Variants in CEP112 observed in about 807,000 individuals in gnomAD.
CEP112 encodes the protein centrosomal protein of 112 kDa.
CEP112 carries 127 observed loss-of-function variants against 153.0 expected under a neutral mutation model. That is an observed-to-expected ratio of 0.83 (90% CI 0.72 to 0.96). The LOEUF is 0.96. Among genes scored for constraint, CEP112 ranks in the 40% least tolerant of loss-of-function variants. The pLI is 0.00. For missense variants in CEP112, 1,089 were observed against 1,101.2 expected (o/e 0.99, Z 0.16); for synonymous variants, 358 against 374.4 (o/e 0.96, Z 0.51).
intron 8 of CEP112, among the ~76,000 whole-genome samples, chr17:66,085,663 A>G (rs2067893959): frequency 6.6e-6 from 1 of 152,194 alleles, no homozygotes; most frequent in Non-Finnish European, 1.5e-5. Flanking sequence ...AAAAATCATC[A>G]GAATATATAT....
chr17:65,929,736 T>A (rs2144227843), intron 18 of CEP112, among the ~76,000 whole-genome samples: 1 of 152,302 alleles, frequency 6.6e-6, no homozygotes, highest in African/African-American at 2.4e-5. Flanking sequence ...ATACAGGGAA[T>A]CAATAAATAC....
chr17:66,000,355 A>T (rs3208994), intron 17 of CEP112, among the ~76,000 whole-genome samples: 2 of 118,914 alleles, frequency 1.7e-5, no homozygotes, highest in Non-Finnish European at 3.7e-5. Context: ...TTTTTTTTTT[A>T]AACTGTTAAG....
At position 65,635,951 on chromosome 17, in the gene CEP112, C is replaced by A; in HGVS notation, c.*20G>T. Reference sequence around the variant, plus strand: ...CACAGCACAGCCTGGAAATTGCATCCGTTGCATTCTCTCGTGCAGTTACCT... The same window carrying A: ...CACAGCACAGCCTGGAAATTGCATCAGTTGCATTCTCTCGTGCAGTTACCT... On this transcript the variant is annotated 3_prime_UTR_variant, in exon 27 of 27. Transcript: ENST00000535342. 1 of 1,598,896 alleles carries A rather than the reference C, an allele frequency of 6.3e-7. No homozygotes were observed. The highest frequency in any genetic ancestry group is 8.5e-7 in the Non-Finnish European group (1 of 1,171,080).
intron 14 of CEP112, 60 bp from the exon 15 acceptor site, chr17:66,028,465 T>G: frequency 1.1e-6 from 1 of 947,508 alleles, no homozygotes; most frequent in Non-Finnish European, 1.5e-6. Flanking sequence ...ATATTATACT[T>G]TCTGATTGAA....
intron 12 of CEP112, 53 bp downstream of exon 12, chr17:66,053,683 T>A (rs1473033827): frequency 6.4e-7 from 1 of 1,561,018 alleles, no homozygotes; most frequent in African/African-American, 1.4e-5. Flanking sequence ...CATGAGGACA[T>A]GGAAATTGAG....
At position 66,039,741 on chromosome 17, in the gene CEP112, T is replaced by A. The variant is rs190975366; in HGVS notation, c.1219-9718A>T. Among the ~76,000 whole-genome samples, 131 of 152,260 alleles carry A rather than the reference T, an allele frequency of 8.6e-4. 3 individuals carry two copies. The South Asian group carries it at 8.7e-3, about 10-fold the overall frequency. On this transcript the variant is annotated intron_variant, in intron 12 of 26. Transcript: ENST00000535342. Reference sequence around the variant, plus strand: ...GCCAGCCTCCCTAAAGCCTTATTAGTTACCCTCCACCCAAAGGTAACCACT... The same window carrying A: ...GCCAGCCTCCCTAAAGCCTTATTAGATACCCTCCACCCAAAGGTAACCACT...
intron 24 of CEP112, among the ~76,000 whole-genome samples, chr17:65,678,781 T>C (rs1372457485): frequency 6.6e-6 from 1 of 152,168 alleles, no homozygotes; most frequent in Non-Finnish European, 1.5e-5. Flanking sequence ...GTGGATTTGA[T>C]ATGTCAGCAA....
At chr17:65,826,641 G>A in intron 21 of CEP112, 1 of 888,176 alleles carries the variant, frequency 1.1e-6, no homozygotes, top group Non-Finnish European at 1.4e-6. Flanking sequence ...TAGGACTTAG[G>A]GACAAGGCAA....
At chr17:65,992,402 CA>C (rs1445107519) in intron 17 of CEP112, among the ~76,000 whole-genome samples, 2 of 151,970 alleles carry the variant, frequency 1.3e-5, no homozygotes, top group Non-Finnish European at 2.9e-5. Context: ...GCATATTAAG[CA>C]AGAAAAGATA....
chr17:65,906,113 T>A lies in CEP112; in HGVS notation c.1981-3779A>T, dbSNP rs1240618919. ...TAAAAAATGATGAGTTCATGTCCTT[T>A]GCACAGACATGGATGAAGTTGGAAA... On this transcript the variant is annotated intron_variant, in intron 19 of 26. Coordinates refer to ENST00000535342, the MANE Select transcript of CEP112 (RefSeq NM_001199165.4). 3.9e-5 allele frequency among the ~76,000 whole-genome samples: 6 copies of A among 152,182 alleles called. No homozygotes were observed. The East Asian group carries it at 1.2e-3, about 29-fold the overall frequency.
chr17:65,753,303 GTGT>G (rs1211375019), intron 21 of CEP112, among the ~76,000 whole-genome samples: 1 of 152,062 alleles, frequency 6.6e-6, no homozygotes, highest in African/African-American at 2.4e-5. Context: ...CCCTAACATA[GTGT>G]TTGGGGCATA....
At chr17:65,758,537 T>G (rs1386663115) in intron 21 of CEP112, among the ~76,000 whole-genome samples, 2 of 152,154 alleles carry the variant, frequency 1.3e-5, no homozygotes, top group Admixed American at 6.5e-5. Flanking sequence ...TTCCTATCAT[T>G]AATGGTGAAG....
At chr17:65,692,310 C>A (rs1158204463) in intron 23 of CEP112, among the ~76,000 whole-genome samples, 1 of 150,598 alleles carries the variant, frequency 6.6e-6, no homozygotes, top group Admixed American at 6.6e-5. Context: ...CTCATTGCGA[C>A]CTCCACCTCC....
chr17:65,699,199 C>T (rs960718669), intron 23 of CEP112, among the ~76,000 whole-genome samples: 1 of 152,226 alleles, frequency 6.6e-6, no homozygotes, highest in African/African-American at 2.4e-5. Flanking sequence ...GCGGCCTTTG[C>T]CCCTCCATTA....
At chr17:66,091,357 T>G (rs1201162703) in intron 8 of CEP112, among the ~76,000 whole-genome samples, 1 of 152,052 alleles carries the variant, frequency 6.6e-6, no homozygotes, top group Non-Finnish European at 1.5e-5. Context: ...TCTGACCACA[T>G]GTTTAATACT....
At position 65,934,800 on chromosome 17, in the gene CEP112, G is replaced by C. The variant is rs1250141568; in HGVS notation, c.1873-7111C>G. Among the ~76,000 whole-genome samples, 2 of 152,206 alleles carry C rather than the reference G, an allele frequency of 1.3e-5. 1 individual carries two copies. The highest frequency in any genetic ancestry group is 3.8e-4 in the East Asian group (2 of 5,196). Reference sequence around the variant, plus strand: ...CTCACACTGCTATCAAGACATACATGAGACTGGGCAATTTATGAAGGAAAG... The same window carrying C: ...CTCACACTGCTATCAAGACATACATCAGACTGGGCAATTTATGAAGGAAAG... On this transcript the variant is annotated intron_variant, in intron 18 of 26. Coordinates refer to ENST00000535342, the MANE Select transcript of CEP112 (RefSeq NM_001199165.4).
At chr17:65,883,911 A>C (rs527976320) in intron 20 of CEP112, among the ~76,000 whole-genome samples, 1 of 152,328 alleles carries the variant, frequency 6.6e-6, no homozygotes, top group East Asian at 1.9e-4. Context: ...ACAGGTTAAG[A>C]GAAAGGAAAA....
chr17:66,030,005 G>C lies in CEP112; in HGVS notation c.1237C>G (p.Leu413Val). 1 of 1,613,590 alleles carries C rather than the reference G, an allele frequency of 6.2e-7. No homozygotes were observed. Among genetic ancestry groups the C allele is most frequent in the Non-Finnish European group, 8.5e-7 (1 of 1,179,792 alleles). Residue 413 changes from leucine to valine, a missense_variant, in exon 13 of 27, where the codon CTG (leucine) becomes GTG (valine). Coordinates refer to ENST00000535342, the MANE Select transcript of CEP112 (RefSeq NM_001199165.4). ...GTCAGCTGCTGGACACGGGCCTCCA[G>C]TTCTTTGATCATGTGGTTCTAAAAG... ...TQSTNHMIKE[L>V]EARVQQLTGE...
chr17:65,661,116 C>T (rs1009556159), intron 24 of CEP112, among the ~76,000 whole-genome samples: 1 of 152,112 alleles, frequency 6.6e-6, no homozygotes, highest in South Asian at 2.1e-4. Context: ...TGGCATTTTC[C>T]CCAAAAGTCC....
Sources: allele counts gnomAD v4.1 joint callset (sites outside exome capture counted in the v4.1 genomes callset), GRCh38; gene constraint gnomAD v4.1.1; transcripts MANE v1.5; gene names NCBI Gene and HGNC (gene_info 2026-07-23, HGNC 2026-07-21).